Variants in RPL39L observed in about 807,000 individuals in gnomAD.
RPL39L encodes the protein ribosomal protein eL39-like 2.
For synonymous variants in RPL39L, 16 were observed against 20.1 expected, an observed-to-expected ratio of 0.80 and a Z score of 0.55; for missense variants, 48 against 58.9, an observed-to-expected ratio of 0.81 and a Z score of 0.61.
intron 2 of RPL39L, among the ~76,000 whole-genome samples, chr3:187,125,527 G>A (rs1579410774): frequency 6.6e-6 from 1 of 152,114 alleles, no homozygotes; most frequent in East Asian, 1.9e-4. Flanking sequence ...CAGACAAGAA[G>A]AAGCACCTGC....
At chr3:187,123,088 C>G (rs528408761) in intron 2 of RPL39L, among the ~76,000 whole-genome samples, 2 of 152,296 alleles carry the variant, frequency 1.3e-5, no homozygotes, top group East Asian at 3.9e-4. Flanking sequence ...ATTATACTGT[C>G]TGCCTTTCAA....
intron 1 of RPL39L, among the ~76,000 whole-genome samples, chr3:187,133,698 A>G (rs571930836): frequency 6.6e-6 from 1 of 152,240 alleles, no homozygotes; most frequent in Admixed American, 6.5e-5. Context: ...GCATGGAGAG[A>G]GACTCCTGTG....
chr3:187,137,023 T>C (rs1328052649), intron 1 of RPL39L, among the ~76,000 whole-genome samples: 1 of 150,950 alleles, frequency 6.6e-6, no homozygotes, highest in Non-Finnish European at 1.5e-5. Context: ...ATGTTTCTCA[T>C]AGTGAGACCT....
chr3:187,137,205 A>AAC (rs1380228867), intron 1 of RPL39L, among the ~76,000 whole-genome samples: 1 of 147,794 alleles, frequency 6.8e-6, no homozygotes, highest in Non-Finnish European at 1.5e-5. Flanking sequence ...CCTCAAAAAA[A>AAC]AAAAAAAAAA....
At chr3:187,125,485 C>T (rs1000662868) in intron 2 of RPL39L, among the ~76,000 whole-genome samples, 1 of 152,108 alleles carries the variant, frequency 6.6e-6, no homozygotes, top group African/African-American at 2.4e-5. Flanking sequence ...TGGAGAGTTC[C>T]TGCATCTTGT....
chr3:187,126,286 C>T (rs958450522), intron 2 of RPL39L, among the ~76,000 whole-genome samples: 10 of 151,738 alleles, frequency 6.6e-5, no homozygotes, highest in African/African-American at 2.2e-4. Flanking sequence ...CTCAGCCTCC[C>T]GAGTATCTGG....
chr3:187,134,086 A>T (rs905129182), intron 1 of RPL39L, among the ~76,000 whole-genome samples: 2 of 152,216 alleles, frequency 1.3e-5, no homozygotes, highest in African/African-American at 4.8e-5. Flanking sequence ...ACTAAGAGAG[A>T]TGGAACTTAA....
At chr3:187,132,022 A>G (rs943181465) in intron 1 of RPL39L, among the ~76,000 whole-genome samples, 2 of 152,182 alleles carry the variant, frequency 1.3e-5, no homozygotes, top group African/African-American at 4.8e-5. Flanking sequence ...TGAGCACATG[A>G]TAACGCTTTC....
Position 187,121,286 on chromosome 3 carries a change from C to G in RPL39L, c.15G>C (p.Lys5Asn). The change falls in exon 3 of 3, where the codon AAG becomes AAC. Residue 5 changes from lysine to asparagine, a missense_variant. By Grantham distance (94) the Lys-to-Asn change is moderately conservative. Coordinates refer to ENST00000296277, the MANE Select transcript of RPL39L (RefSeq NM_052969.3). ...CCAGGAATCGCTTAATGGTGAAAGT[C>G]TTGTGAGAAGACATGGCGAGAAACA... MSSH[K>N]TFTIKRFLAK... 1 of 1,613,964 alleles carries G rather than the reference C, an allele frequency of 6.2e-7. No individual in the cohort carries two copies. The highest frequency in any genetic ancestry group is 8.5e-7 in the Non-Finnish European group (1 of 1,179,918).
chr3:187,134,483 T>TAAAAAAAAGAAAAAAAAAAAAAAAA (rs1720539115), intron 1 of RPL39L, among the ~76,000 whole-genome samples: 1 of 93,424 alleles, frequency 1.1e-5, no homozygotes, highest in African/African-American at 4.2e-5. Flanking sequence ...GCCTGACTGA[T>TAAAAAAAAGAAAAAAAAAAAAAAAA]AAAAAAAAAA....
chr3:187,131,972 A>G (rs868169756), intron 1 of RPL39L, among the ~76,000 whole-genome samples: 1 of 152,222 alleles, frequency 6.6e-6, no homozygotes. Context: ...TCAAGAGGTT[A>G]TATTTTTCTT....
rs1434306894 is a variant in RPL39L at position 187,121,043 on chromosome 3, T to C, written c.*102A>G. On this transcript the variant is annotated 3_prime_UTR_variant, in exon 3 of 3. Transcript: ENST00000296277. ...AGAAAAAAATATTCCCAGTAAAACA[T>C]GTGCAACTGTCCAGGTAGTGGTGAC... 4 of 1,285,466 alleles carry C rather than the reference T, an allele frequency of 3.1e-6. No individual in the cohort carries two copies. Among genetic ancestry groups the C allele is most frequent in the African/African-American group, 3.0e-5 (2 of 67,788 alleles). 79.6% of individuals were successfully genotyped at this position (1,285,466 alleles called of 1,614,324 possible).
chr3:187,130,545 G>A (rs7613646), intron 1 of RPL39L, among the ~76,000 whole-genome samples: 12,067 of 152,140 alleles, frequency 0.079, 1,489 homozygotes, highest in African/African-American at 0.26. Flanking sequence ...GCCATGTGAC[G>A]TGCCTGCTCC....
At chr3:187,127,188 A>G (rs1326584301) in intron 2 of RPL39L, among the ~76,000 whole-genome samples, 2 of 152,244 alleles carry the variant, frequency 1.3e-5, no homozygotes, top group Non-Finnish European at 2.9e-5. Flanking sequence ...AACTCTAGGT[A>G]GGACCCAGCA....
chr3:187,136,882 A>G (rs1403216846), intron 1 of RPL39L, among the ~76,000 whole-genome samples: 1 of 152,170 alleles, frequency 6.6e-6, no homozygotes, highest in Non-Finnish European at 1.5e-5. Context: ...TGTAATTAAT[A>G]TAAAGGTGGA....
At chr3:187,129,113 T>C (rs916795775) in intron 1 of RPL39L, among the ~76,000 whole-genome samples, 11 of 152,340 alleles carry the variant, frequency 7.2e-5, no homozygotes, top group South Asian at 2.1e-4. Context: ...TTTCTGAATA[T>C]TGAATGTTAG....
intron 1 of RPL39L, among the ~76,000 whole-genome samples, chr3:187,133,876 C>T (rs963953348): frequency 3.3e-5 from 5 of 152,152 alleles, no homozygotes; most frequent in African/African-American, 9.7e-5. Flanking sequence ...ACTGAGTAAG[C>T]TGATTCAAGA....
At chr3:187,136,592 A>G (rs1197432456) in intron 1 of RPL39L, among the ~76,000 whole-genome samples, 1 of 152,088 alleles carries the variant, frequency 6.6e-6, no homozygotes, top group African/African-American at 2.4e-5. Context: ...ATCGCATAGG[A>G]TAAGAGTAGG....
intron 2 of RPL39L, among the ~76,000 whole-genome samples, chr3:187,121,719 CTA>C (rs1441255018): frequency 6.6e-6 from 1 of 152,140 alleles, no homozygotes; most frequent in African/African-American, 2.4e-5. Flanking sequence ...CTAAAAAAAA[CTA>C]TTATCCCATC....
Sources: gnomAD v4.1 joint callset for allele counts (sites outside exome capture counted in the v4.1 genomes callset) on GRCh38, gnomAD v4.1.1 for gene constraint, MANE v1.5 for transcripts, NCBI Gene and HGNC (gene_info 2026-07-23, HGNC 2026-07-21) for gene names.